The following DCLRE1C variants were observed in gnomAD, a reference collection of about 807,000 sequenced individuals.
DCLRE1C encodes the protein protein artemis.
A neutral mutation model predicts 61.4 loss-of-function variants in DCLRE1C; 47 were observed. The observed-to-expected ratio is 0.77, with a 90% CI of 0.61 to 0.98. The LOEUF (loss-of-function observed/expected upper bound fraction) is 0.98. Among genes scored for constraint, DCLRE1C ranks in the 50% least tolerant of loss-of-function variants. The probability of loss-of-function intolerance (pLI) is 0.00; values close to 1 mark genes in which losing one functional copy is unlikely to be tolerated. For synonymous variants in DCLRE1C, 337 were observed against 287.6 expected, an observed-to-expected ratio of 1.17 and a Z score of -1.74; for missense variants, 858 against 816.0, an observed-to-expected ratio of 1.05 and a Z score of -0.63.
At chr10:14,931,218 G>T (rs11815276) in intron 9 of DCLRE1C, among the ~76,000 whole-genome samples, 5,052 of 152,276 alleles carry the variant, frequency 0.033, 261 homozygotes, top group African/African-American at 0.11. Flanking sequence ...CAAAATGAAA[G>T]TCTTGTACTC....
At chr10:14,952,280 T>C (rs1176295843) in intron 1 of DCLRE1C, among the ~76,000 whole-genome samples, 2 of 152,148 alleles carry the variant, frequency 1.3e-5, no homozygotes, top group African/African-American at 4.8e-5. Flanking sequence ...CAGTGGATTC[T>C]CAATGAAAAA....
At chr10:14,934,650 C>G in intron 7 of DCLRE1C, 53 bp downstream of exon 7, 8 of 1,612,230 alleles carry the variant, frequency 5.0e-6, no homozygotes, top group African/African-American at 4.0e-5. Flanking sequence ...AAACTTCCTA[C>G]TAAAAACACG....
intron 10 of DCLRE1C, among the ~76,000 whole-genome samples, chr10:14,927,287 G>A (rs1838171835): frequency 6.6e-6 from 1 of 151,902 alleles, no homozygotes; most frequent in Non-Finnish European, 1.5e-5. Context: ...TAGTGAGGCT[G>A]AGGCAGGAGA....
chr10:14,941,676 T>C (rs150041679), intron 3 of DCLRE1C, among the ~76,000 whole-genome samples: 1 of 152,206 alleles, frequency 6.6e-6, no homozygotes, highest in African/African-American at 2.4e-5. Flanking sequence ...AGTTTCCACG[T>C]GTATGGGAAG....
In DCLRE1C at chr10:14,936,584, T is replaced by C. The variant is rs1348175904; in HGVS notation, c.316A>G (p.Ile106Val). The change falls in exon 5 of 14, where the codon ATT (isoleucine) becomes GTT (valine). Residue 106 changes from isoleucine to valine, a missense_variant. Physicochemically the swap from Ile to Val is conservative, Grantham distance 29. Coordinates refer to ENST00000378278, the MANE Select transcript of DCLRE1C (RefSeq NM_001033855.3). ...VDEASGEKEE[I>V]VVTLLPAGHC... ...CCAGCTGGTAAGAGAGTCACAACAA[T>C]CTCTTCCTTCTAAAAAGAAAATAAA... 22 of 1,612,310 alleles carry C rather than the reference T, an allele frequency of 1.4e-5. No homozygotes were observed. The highest frequency in any genetic ancestry group is 1.9e-5 in the Non-Finnish European group (22 of 1,178,794).
chr10:14,927,653 TA>T (rs1838249670), intron 10 of DCLRE1C, among the ~76,000 whole-genome samples: 1 of 151,792 alleles, frequency 6.6e-6, no homozygotes, highest in African/African-American at 2.4e-5. Context: ...GCAGAAATTT[TA>T]AACAGCCAAA....
At chr10:14,933,602 A>C (rs1316215003) in intron 8 of DCLRE1C, among the ~76,000 whole-genome samples, 1 of 152,000 alleles carries the variant, frequency 6.6e-6, no homozygotes, top group African/African-American at 2.4e-5. Flanking sequence ...GTGCCACTGC[A>C]CTCCAGCCTG....
chr10:14,927,637 C>T (rs1838247020), intron 10 of DCLRE1C, among the ~76,000 whole-genome samples: 1 of 150,768 alleles, frequency 6.6e-6, no homozygotes, highest in African/African-American at 2.4e-5. Context: ...GAGGGAGGGA[C>T]CTGTTGCAGA....
chr10:14,945,110 G>C lies in DCLRE1C; in HGVS notation c.241C>G (p.Arg81Gly). ...TSPKYRFWKK[R>G]IISIEIETPT... is the part of the protein sequence containing the mutation. ...ATTAAAAAAATAAAACTTACAATTC[G>C]TTTCTTCCAAAATCTGTATTTCGGG... The change falls in exon 3 of 14, where the codon CGA (arginine) becomes GGA (glycine). Residue 81 changes from arginine to glycine, a missense_variant. Arg to Gly is a moderately radical substitution (Grantham distance 125, BLOSUM62 -2). Coordinates refer to ENST00000378278, the MANE Select transcript of DCLRE1C (RefSeq NM_001033855.3). 6.2e-7 allele frequency: 1 copy of C among 1,609,882 alleles called. No individual in the cohort carries two copies. The highest frequency in any genetic ancestry group is 8.5e-7 in the Non-Finnish European group (1 of 1,177,810).
chr10:14,910,396 G>GT (rs989027994), intron 13 of DCLRE1C, among the ~76,000 whole-genome samples: 13 of 152,082 alleles, frequency 8.5e-5, no homozygotes, highest in African/African-American at 3.1e-4. Context: ...TGCCAAAGTT[G>GT]TTTTTTGAGT....
In DCLRE1C at chr10:14,935,457, C is replaced by T; in HGVS notation, c.464+6G>A. On this transcript the variant is annotated splice_donor_region_variant and intron_variant, in intron 6 of 13. Coordinates refer to ENST00000378278, the MANE Select transcript of DCLRE1C (RefSeq NM_001033855.3). ...AATAAAATAAAACCTATACGAGGCC[C>T]AGTACCTGCCCCCGGAGTGCAGAAG... is the stretch of plus-strand genomic sequence containing the variant. The T allele has an allele frequency of 6.2e-7, 1 of 1,613,738 alleles. No individual in the cohort carries two copies. The highest frequency in any genetic ancestry group is 8.5e-7 in the Non-Finnish European group (1 of 1,179,686).
chr10:14,938,538 G>A (rs1252960032), intron 4 of DCLRE1C, among the ~76,000 whole-genome samples: 4 of 151,876 alleles, frequency 2.6e-5, no homozygotes, highest in African/African-American at 9.7e-5. Context: ...CTATAATCAA[G>A]CAACAAAGCC....
At chr10:14,912,546 TAAATA>T (rs1160394661) in intron 13 of DCLRE1C, among the ~76,000 whole-genome samples, 3 of 151,992 alleles carry the variant, frequency 2.0e-5, no homozygotes, top group African/African-American at 7.3e-5. Flanking sequence ...GGTGAGTGGA[TAAATA>T]AAATGTTGTA....
rs141529720 is a variant in DCLRE1C, at chr10:14,906,836, AGAATGTT to A, written c.*1565_*1571del. Reference sequence around the variant, plus strand: ...AAGCCTAACACATTGATGGACTTCAAGAATGTTGAATGACTCACAGAATAACACATAT... The same window carrying A: ...AAGCCTAACACATTGATGGACTTCAAGAATGACTCACAGAATAACACATAT... On this transcript the variant is annotated 3_prime_UTR_variant, in exon 14 of 14. Transcript: ENST00000378278. Among the ~76,000 whole-genome samples, 527 of 152,358 alleles carry A rather than the reference AGAATGTT, an allele frequency of 3.5e-3. 6 individuals are homozygous for A. The highest frequency in any genetic ancestry group is 0.012 in the African/African-American group (498 of 41,582).
rs771454743 is a variant in DCLRE1C at position 14,909,116 on chromosome 10, A to G, written c.1371T>C (p.Ser457=). 1 of 1,614,086 alleles carries G rather than the reference A, an allele frequency of 6.2e-7. No homozygotes were observed. The highest frequency in any genetic ancestry group is 1.7e-5 in the Admixed American group (1 of 60,028). The part of the protein sequence containing the change: ...TNFVDCEESN[S]ESEEEVGIPA... ...GGATTCCTACTTCTTCTTCACTTTC[A>G]CTGTTGGATTCTTCACAATCTACAA... Residue 457 remains serine (S), a synonymous_variant, in exon 14 of 14, where the codon AGT becomes AGC. Transcript: ENST00000378278.
At chr10:14,923,608 G>A (rs1031595541) in intron 11 of DCLRE1C, 5 of 156,840 alleles carry the variant, frequency 3.2e-5, no homozygotes, top group Middle Eastern at 3.1e-3. Context: ...TTTGAGGCCA[G>A]CCTGGGCAAC....
At chr10:14,899,787 C>T, downstream of DCLRE1C, 1 of 1,348,030 alleles carries the variant, frequency 7.4e-7, no homozygotes, top group African/African-American at 1.5e-5. Context: ...ATCCTTTTAA[C>T]ATTTCCAAAA....
chr10:14,917,068 TAAG>T (rs1836318444), intron 13 of DCLRE1C, among the ~76,000 whole-genome samples: 1 of 152,174 alleles, frequency 6.6e-6, no homozygotes, highest in Admixed American at 6.5e-5. Flanking sequence ...TTATGAAACA[TAAG>T]AAAGAATCCA....
intron 1 of DCLRE1C, among the ~76,000 whole-genome samples, 156 bp downstream of exon 1, chr10:14,953,746 G>T (rs540326002): frequency 2.0e-5 from 3 of 152,204 alleles, no homozygotes; most frequent in African/African-American, 7.2e-5. Flanking sequence ...TGAAGCCTTT[G>T]AGAGGCTGAA....
Sources: allele counts gnomAD v4.1 joint callset (sites outside exome capture counted in the v4.1 genomes callset), GRCh38; gene constraint gnomAD v4.1.1; transcripts MANE v1.5; gene names NCBI Gene and HGNC (gene_info 2026-07-23, HGNC 2026-07-21).